DYSF: variants seen among roughly 807,000 people sequenced by gnomAD.
DYSF encodes the protein dysferlin.
A neutral mutation model predicts 274.9 loss-of-function variants in DYSF; 212 were observed. The observed-to-expected ratio is 0.77, with a 90% CI of 0.69 to 0.86. The LOEUF (loss-of-function observed/expected upper bound fraction) is 0.86. Among genes scored for constraint, DYSF ranks in the 40% least tolerant of loss-of-function variants. The pLI, the probability that DYSF is intolerant of heterozygous loss-of-function variation, is 0.00. For synonymous variants in DYSF, 1,091 were observed against 1,078.7 expected (o/e 1.01, Z -0.22); for missense variants, 2,666 against 2,783.2 (o/e 0.96, Z 0.95).
chr2:71,504,537 G>A (rs1054552014), intron 4 of DYSF, among the ~76,000 whole-genome samples: 1 of 152,178 alleles, frequency 6.6e-6, no homozygotes, highest in African/African-American at 2.4e-5. Flanking sequence ...GGACCCCAAG[G>A]AGTTCTGGAA....
At chr2:71,457,950 G>C (rs972382390) in intron 1 of DYSF, among the ~76,000 whole-genome samples, 4 of 152,072 alleles carry the variant, frequency 2.6e-5, no homozygotes, top group Admixed American at 2.6e-4. Flanking sequence ...AAAGTTGGGC[G>C]GGGGGCTCAG....
intron 36 of DYSF, chr2:71,611,011 G>T (rs1232600805): frequency 6.9e-6 from 4 of 578,028 alleles, no homozygotes; most frequent in African/African-American, 3.7e-5. Context: ...TTGGAACAAG[G>T]TGACCTGAAC....
At chr2:71,649,137 CAAAAAA>C (rs376775027) in intron 42 of DYSF, among the ~76,000 whole-genome samples, 3 of 89,738 alleles carry the variant, frequency 3.3e-5, no homozygotes, top group Non-Finnish European at 6.2e-5. Context: ...ACTTTGTCTC[CAAAAAA>C]AAAAAAAAAA....
chr2:71,482,089 T>G (rs1447362638), intron 3 of DYSF, 119 bp downstream of exon 3: 1 of 782,838 alleles, frequency 1.3e-6, no homozygotes, highest in Non-Finnish European at 2.1e-6. Context: ...TTTATCCACC[T>G]CCTCCCATGG....
chr2:71,572,461 A>C (rs1021646906), intron 29 of DYSF, among the ~76,000 whole-genome samples: 1 of 151,494 alleles, frequency 6.6e-6, no homozygotes, highest in Non-Finnish European at 1.5e-5. Context: ...GAAGATGGAA[A>C]GACACCCATG....
Position 71,570,294 on chromosome 2 carries a change from G to A in DYSF, c.3045G>A (p.Glu1015=), listed in dbSNP as rs1299306436. Residue 1015 remains glutamate (E), a synonymous_variant, in exon 28 of 56, where the codon GAG becomes GAA. Coordinates refer to ENST00000410020, the MANE Select transcript of DYSF (RefSeq NM_001130987.2). The part of the protein sequence containing the change: ...ECPLGWKWED[E]EWSTDLNRAV... Reference sequence around the variant, plus strand: ...CACTGGGCTGGAAGTGGGAAGATGAGGAATGGTCCACAGACCTCAACCGGG... The same window carrying A: ...CACTGGGCTGGAAGTGGGAAGATGAAGAATGGTCCACAGACCTCAACCGGG... The A allele has an allele frequency of 1.9e-6, 3 of 1,614,170 alleles. No individual in the cohort carries two copies. The highest frequency in any genetic ancestry group is 1.7e-6 in the Non-Finnish European group (2 of 1,180,022).
Position 71,612,824 on chromosome 2 carries a change from G to A in DYSF, c.4387+18G>A. ...TGGCCCAGGTAGGGGAAGGGGAGAT[G>A]ATGGGCAGGTCAGGGAAGGGGGAGC... is the stretch of plus-strand genomic sequence containing the variant. On this transcript the variant is annotated intron_variant, in intron 39 of 55. Transcript: ENST00000410020. The A allele has an allele frequency of 6.2e-7, 1 of 1,604,360 alleles. No homozygotes were observed. Among genetic ancestry groups the A allele is most frequent in the African/African-American group, 1.3e-5 (1 of 74,898 alleles).
chr2:71,574,980 G>C (rs929003674), intron 30 of DYSF, among the ~76,000 whole-genome samples: 6 of 152,206 alleles, frequency 3.9e-5, no homozygotes, highest in Non-Finnish European at 8.8e-5. Flanking sequence ...ACTCGGTACT[G>C]GCACACAGCC....
chr2:71,599,837 C>T (rs551552195), intron 33 of DYSF, among the ~76,000 whole-genome samples: 2 of 152,332 alleles, frequency 1.3e-5, no homozygotes, highest in East Asian at 3.9e-4. Flanking sequence ...TGTCTATATG[C>T]CTCACCAGAT....
chr2:71,657,279 G>C (rs779103807), intron 43 of DYSF, among the ~76,000 whole-genome samples: 2 of 152,182 alleles, frequency 1.3e-5, no homozygotes, highest in East Asian at 3.8e-4. Flanking sequence ...TCATGCTGAC[G>C]CAAAAGGTAG....
intron 3 of DYSF, among the ~76,000 whole-genome samples, chr2:71,497,785 T>G (rs183536784): frequency 6.6e-6 from 1 of 152,362 alleles, no homozygotes; most frequent in East Asian, 1.9e-4. Flanking sequence ...GCAGATCAAC[T>G]CGAAATTACA....
chr2:71,561,683 C>T, intron 22 of DYSF, 69 bp from the exon 23 acceptor site: 1 of 1,590,114 alleles, frequency 6.3e-7, no homozygotes, highest in Non-Finnish European at 8.6e-7. Context: ...GAACCTGGCA[C>T]ATGTGCATGC....
At chr2:71,618,671 T>TGG (rs2094010070) in intron 40 of DYSF, among the ~76,000 whole-genome samples, 1 of 110,600 alleles carries the variant, frequency 9.0e-6, no homozygotes, top group Admixed American at 9.5e-5. Context: ...GGTGTGTGTG[T>TGG]GGTAGAGGGA....
chr2:71,512,915 G>C (rs918021050), intron 5 of DYSF, among the ~76,000 whole-genome samples: 1 of 152,152 alleles, frequency 6.6e-6, no homozygotes, highest in African/African-American at 2.4e-5. Flanking sequence ...ATCCTGAGCT[G>C]TGTGGCTGGA....
At chr2:71,557,401 G>T (rs150514434) in intron 22 of DYSF, among the ~76,000 whole-genome samples, 22 of 152,362 alleles carry the variant, frequency 1.4e-4, no homozygotes, top group African/African-American at 4.6e-4. Context: ...CCTGGGTGGG[G>T]GAAGTGGCAG....
intron 52 of DYSF, among the ~76,000 whole-genome samples, chr2:71,678,520 G>C (rs772908503): frequency 6.6e-6 from 1 of 152,120 alleles, no homozygotes; most frequent in Non-Finnish European, 1.5e-5. Context: ...GAGGTTACTG[G>C]GGCGAAGGGG....
chr2:71,562,920 G>A (rs1216808006), intron 23 of DYSF, among the ~76,000 whole-genome samples: 1 of 152,190 alleles, frequency 6.6e-6, no homozygotes, highest in South Asian at 2.1e-4. Flanking sequence ...CCCGTGAACT[G>A]TAAGCACAAA....
At chr2:71,580,500 T>G (rs1162966737) in intron 30 of DYSF, among the ~76,000 whole-genome samples, 2 of 152,178 alleles carry the variant, frequency 1.3e-5, no homozygotes, top group Non-Finnish European at 2.9e-5. Flanking sequence ...AAGGAAGCCA[T>G]GCTGTGGGCA....
chr2:71,618,643 G>GGAGTGT (rs2094008369), intron 40 of DYSF, among the ~76,000 whole-genome samples: 8 of 87,542 alleles, frequency 9.1e-5, no homozygotes, highest in Non-Finnish European at 1.9e-4. Context: ...TACAGGAGGT[G>GGAGTGT]GTGTGTGTGG....
Sources: gnomAD v4.1 joint callset for allele counts (sites outside exome capture counted in the v4.1 genomes callset) on GRCh38, gnomAD v4.1.1 for gene constraint, MANE v1.5 for transcripts, NCBI Gene and HGNC (gene_info 2026-07-23, HGNC 2026-07-21) for gene names.